STAC: variants seen among roughly 807,000 people sequenced by gnomAD.
STAC encodes the protein SH3 and cysteine-rich domain-containing protein.
A neutral mutation model predicts 48.8 loss-of-function variants in STAC; 43 were observed. The observed-to-expected ratio is 0.88, with a 90% CI of 0.69 to 1.14. The LOEUF is 1.14. STAC is among the 50% of genes most tolerant of loss of function. STAC has a pLI of 0.00. For synonymous variants in STAC, 193 were observed against 179.5 expected, an observed-to-expected ratio of 1.07 and a Z score of -0.60; for missense variants, 497 against 504.0, an observed-to-expected ratio of 0.99 and a Z score of 0.13.
At chr3:36,494,481 G>T (rs1426749760) in intron 6 of STAC, among the ~76,000 whole-genome samples, 1 of 152,124 alleles carries the variant, frequency 6.6e-6, no homozygotes, top group Non-Finnish European at 1.5e-5. Context: ...TAGCAGTTTT[G>T]TCAACAGCTG....
At chr3:36,441,034 A>G (rs1696331824) in intron 1 of STAC, among the ~76,000 whole-genome samples, 1 of 152,240 alleles carries the variant, frequency 6.6e-6, no homozygotes. Flanking sequence ...AAGTATAGTG[A>G]TCACATCAGG....
At position 36,493,217 on chromosome 3, in the gene STAC, C is replaced by A. The variant is rs769980894; in HGVS notation, c.754C>A (p.Arg252Ser). The A allele has an allele frequency of 6.2e-7, 1 of 1,613,126 alleles. No individual in the cohort carries two copies. The highest frequency in any genetic ancestry group is 8.5e-7 in the Non-Finnish European group (1 of 1,179,516). ...AGGAGGCGGGTATGACCTAAGGAAA[C>A]GCAGCAACAGCGGTGAGTGAGGGAG... Reference protein sequence around the residue: ...GPGGGYDLRKRSNSVFTYPEN... With the variant: ...GPGGGYDLRKSSNSVFTYPEN... Residue 252 changes from arginine (R) to serine (S), a missense_variant, in exon 6 of 11, where the codon CGC (arginine) becomes AGC (serine). Physicochemically the swap from Arg to Ser is moderately radical, Grantham distance 110. Coordinates refer to ENST00000273183, the MANE Select transcript of STAC (RefSeq NM_003149.3).
In STAC at chr3:36,493,754, T is replaced by C. The variant is rs988761055; in HGVS notation, c.766+525T>C. On this transcript the variant is annotated intron_variant, in intron 6 of 10. Coordinates refer to ENST00000273183, the MANE Select transcript of STAC (RefSeq NM_003149.3). Reference sequence around the variant, plus strand: ...ATATGTACAATCCAGCCAAACATTCTATATTAAAATTATTTAATCTAATAA... The same window carrying C: ...ATATGTACAATCCAGCCAAACATTCCATATTAAAATTATTTAATCTAATAA... Among the ~76,000 whole-genome samples, 4 of 152,316 alleles carry C rather than the reference T, an allele frequency of 2.6e-5. No homozygotes were observed. The East Asian group carries it at 7.7e-4, about 29-fold the overall frequency.
chr3:36,455,177 T>G (rs957442637), intron 2 of STAC, among the ~76,000 whole-genome samples: 2 of 152,236 alleles, frequency 1.3e-5, no homozygotes, highest in Admixed American at 6.5e-5. Flanking sequence ...ACATATATTC[T>G]GAATACATAT....
intron 1 of STAC, among the ~76,000 whole-genome samples, chr3:36,421,423 G>A (rs1157740607): frequency 1.3e-5 from 2 of 151,990 alleles, no homozygotes; most frequent in African/African-American, 4.8e-5. Flanking sequence ...CTCTTTTGAA[G>A]AATTACAATA....
At chr3:36,530,762 AT>A (rs907580277) in intron 10 of STAC, among the ~76,000 whole-genome samples, 1 of 151,220 alleles carries the variant, frequency 6.6e-6, no homozygotes, top group Non-Finnish European at 1.5e-5. Flanking sequence ...CGCCTGGCTA[AT>A]TTTTTTATAT....
chr3:36,445,350 GA>G (rs76365780), intron 2 of STAC, among the ~76,000 whole-genome samples: 10 of 151,500 alleles, frequency 6.6e-5, no homozygotes, highest in Admixed American at 2.0e-4. Context: ...TATAAAGAAA[GA>G]AAAAAAAGAA....
At chr3:36,450,213 G>A (rs960500161) in intron 2 of STAC, among the ~76,000 whole-genome samples, 5 of 152,136 alleles carry the variant, frequency 3.3e-5, no homozygotes, top group Non-Finnish European at 7.3e-5. Flanking sequence ...CTGGCACACA[G>A]TGATTATTTT....
chr3:36,493,526 G>T (rs968382418), intron 6 of STAC, among the ~76,000 whole-genome samples: 1 of 151,950 alleles, frequency 6.6e-6, no homozygotes, highest in African/African-American at 2.4e-5. Context: ...GGGTTTAAGA[G>T]TCGCTTCCAG....
rs565071310 is a variant in STAC at position 36,437,147 on chromosome 3, G to C, written c.112-6217G>C. ...AACAACAGGTGCTGGAGAGGATGTG[G>C]AGAAACAGGAACACTTTTACACTGT... On this transcript the variant is annotated intron_variant, in intron 1 of 10. Coordinates refer to ENST00000273183, the MANE Select transcript of STAC (RefSeq NM_003149.3). 3.0e-3 allele frequency among the ~76,000 whole-genome samples: 460 copies of C among 151,742 alleles called. 4 individuals are homozygous for C. The highest frequency in any genetic ancestry group is 9.7e-3 in the African/African-American group (399 of 41,196).
chr3:36,530,976 G>C lies in STAC; in HGVS notation c.1110+1991G>C, dbSNP rs1016741074. Among the ~76,000 whole-genome samples the C allele has an allele frequency of 2.6e-5, 4 of 152,098 alleles. No homozygotes were observed. In the South Asian group the frequency reaches 8.3e-4, roughly 32 times the overall value. On this transcript the variant is annotated intron_variant, in intron 10 of 10. Coordinates refer to ENST00000273183, the MANE Select transcript of STAC (RefSeq NM_003149.3). ...AAGAAAAATGATAATATGGAGGACA[G>C]CTTTTTTAAAAAAATGTAACTCACC... is the stretch of plus-strand genomic sequence containing the variant.
At chr3:36,407,569 G>A (rs1460647513) in intron 1 of STAC, among the ~76,000 whole-genome samples, 1 of 152,096 alleles carries the variant, frequency 6.6e-6, no homozygotes, top group Non-Finnish European at 1.5e-5. Flanking sequence ...ACCAGTCACT[G>A]CACATTTGAT....
intron 6 of STAC, 38 bp downstream of exon 6, chr3:36,493,267 A>G (rs1321958327): frequency 5.1e-5 from 82 of 1,603,600 alleles, no homozygotes; most frequent in Non-Finnish European, 6.7e-5. Flanking sequence ...ATGTGATCAC[A>G]TGAGTCAGGG....
intron 10 of STAC, among the ~76,000 whole-genome samples, chr3:36,544,379 C>T (rs936746290): frequency 1.3e-5 from 2 of 152,010 alleles, no homozygotes; most frequent in African/African-American, 2.4e-5. Context: ...GACATTGGCC[C>T]GGCTGGTCAT....
intron 2 of STAC, among the ~76,000 whole-genome samples, chr3:36,481,934 C>G (rs1247395405): frequency 6.6e-6 from 1 of 152,238 alleles, no homozygotes; most frequent in African/African-American, 2.4e-5. Flanking sequence ...CCCCATCCTT[C>G]TCATCATGGT....
rs1191461222 is a variant in STAC at position 36,533,485 on chromosome 3, T to TG, written c.1110+4500_1110+4501insG. Among the ~76,000 whole-genome samples, 184 of 149,074 alleles carry TG rather than the reference T, an allele frequency of 1.2e-3. 1 individual carries two copies. Among genetic ancestry groups the TG allele is most frequent in the Non-Finnish European group, 2.3e-3 (157 of 67,080 alleles). On this transcript the variant is annotated intron_variant, in intron 10 of 10. Coordinates refer to ENST00000273183, the MANE Select transcript of STAC (RefSeq NM_003149.3). ...TAATCTTGCTAGCATGTTTTTTTTT[T>TG]TTTTTTTTTTTTTTTTTCAGAATAA...
chr3:36,402,924 A>G (rs73828881), intron 1 of STAC, among the ~76,000 whole-genome samples: 1 of 152,162 alleles, frequency 6.6e-6, no homozygotes, highest in Non-Finnish European at 1.5e-5. Context: ...CAAGCTAGTT[A>G]TTCACCCTTA....
chr3:36,514,391 G>C (rs1352926126), intron 8 of STAC, among the ~76,000 whole-genome samples: 1 of 151,358 alleles, frequency 6.6e-6, no homozygotes, highest in Non-Finnish European at 1.5e-5. Context: ...CTAGATCTCA[G>C]GTCAAATTTC....
chr3:36,423,992 A>C (rs1333474216), intron 1 of STAC, among the ~76,000 whole-genome samples: 9 of 152,164 alleles, frequency 5.9e-5, no homozygotes, highest in African/African-American at 1.9e-4. Flanking sequence ...CCATATAATG[A>C]ATATAATGGA....
Sources: gnomAD v4.1 joint callset for allele counts (sites outside exome capture counted in the v4.1 genomes callset) on GRCh38, gnomAD v4.1.1 for gene constraint, MANE v1.5 for transcripts, NCBI Gene and HGNC (gene_info 2026-07-23, HGNC 2026-07-21) for gene names.